ROBO2: variants seen among roughly 807,000 people sequenced by gnomAD.
ROBO2 encodes the protein roundabout guidance receptor 2, also known as roundabout homolog 2.
ROBO2 carries 53 observed loss-of-function variants against 160.8 expected under a neutral mutation model. The ratio of observed to expected loss-of-function variants is 0.33; its 90% CI spans 0.26 to 0.41. The LOEUF (loss-of-function observed/expected upper bound fraction) is 0.41. Among genes scored for constraint, ROBO2 ranks in the 10% least tolerant of loss-of-function variants. The pLI is 1.00. For missense variants in ROBO2, 1,577 were observed against 1,722.4 expected (o/e 0.92, Z 1.49); for synonymous variants, 664 against 611.7 (o/e 1.09, Z -1.26).
chr3:76,092,942 A>G (rs1182625950), intron 2 of ROBO2, among the ~76,000 whole-genome samples: 1 of 152,166 alleles, frequency 6.6e-6, no homozygotes, highest in Non-Finnish European at 1.5e-5. Context: ...TCTTCGTCAA[A>G]TCACTTTTTA....
At chr3:76,824,811 C>T (rs973252235) in intron 2 of ROBO2, among the ~76,000 whole-genome samples, 1 of 152,108 alleles carries the variant, frequency 6.6e-6, no homozygotes, top group Admixed American at 6.5e-5. Flanking sequence ...ATTCCCACTC[C>T]CTGCCTCCTA....
intron 2 of ROBO2, among the ~76,000 whole-genome samples, chr3:76,940,376 G>T (rs1440195695): frequency 1.3e-5 from 2 of 152,178 alleles, no homozygotes; most frequent in African/African-American, 4.8e-5. Flanking sequence ...ATTTTATCAT[G>T]CAAATCTCAT....
chr3:76,704,262 G>C (rs953369370), intron 2 of ROBO2, among the ~76,000 whole-genome samples: 2 of 152,094 alleles, frequency 1.3e-5, no homozygotes, highest in Non-Finnish European at 2.9e-5. Context: ...TCTGAAAAGT[G>C]AGAGTGTGAA....
chr3:75,970,669 C>G (rs980102526), intron 2 of ROBO2, among the ~76,000 whole-genome samples: 1 of 151,448 alleles, frequency 6.6e-6, no homozygotes, highest in African/African-American at 2.4e-5. Context: ...ACTGTGCAAT[C>G]TTTAATCAAA....
At chr3:77,221,316 G>T (rs1424708217) in intron 2 of ROBO2, among the ~76,000 whole-genome samples, 3 of 152,136 alleles carry the variant, frequency 2.0e-5, no homozygotes, top group Non-Finnish European at 4.4e-5. Flanking sequence ...AAAATGAGTT[G>T]TATAGGATTA....
intron 24 of ROBO2, among the ~76,000 whole-genome samples, chr3:77,641,346 T>A (rs2095347833): frequency 6.6e-6 from 1 of 152,214 alleles, no homozygotes; most frequent in African/African-American, 2.4e-5. Flanking sequence ...ACCAACATTA[T>A]CAGTCCAATG....
rs201473819 is a variant in ROBO2, at chr3:77,291,672, T to TG, written c.389-185740dup. On this transcript the variant is annotated intron_variant, in intron 2 of 25. Coordinates refer to ENST00000461745, the Ensembl canonical transcript of ROBO2. ...CACCCCAGACATAAAGTAAAATTGA[T>TG]GGTTAAATGGGTAAGCTGAGGCTAG... 1.6e-3 allele frequency among the ~76,000 whole-genome samples: 231 copies of TG among 146,798 alleles called. 3 individuals carry two copies. The highest frequency in any genetic ancestry group is 5.6e-3 in the African/African-American group (217 of 38,964).
intron 2 of ROBO2, among the ~76,000 whole-genome samples, chr3:75,941,937 T>C (rs1948072420): frequency 6.6e-6 from 1 of 152,132 alleles, no homozygotes; most frequent in African/African-American, 2.4e-5. Context: ...GAAAACCTAC[T>C]CAAGAAGGGA....
At chr3:76,551,011 C>T (rs575905392) in intron 2 of ROBO2, among the ~76,000 whole-genome samples, 142 of 151,992 alleles carry the variant, frequency 9.3e-4, no homozygotes, top group African/African-American at 3.4e-3. Context: ...GAAACTCCAC[C>T]TTCTAGGCAG....
At position 76,426,713 on chromosome 3, in the gene ROBO2, C is replaced by G. The variant is rs576961233; in HGVS notation, c.109+489111C>G. Reference sequence around the variant, plus strand: ...CTTTTACAATACATAATTAAATGTGCTTGTAGGTAGAAGGATAGATTAGTA... The same window carrying G: ...CTTTTACAATACATAATTAAATGTGGTTGTAGGTAGAAGGATAGATTAGTA... On this transcript the variant is annotated intron_variant, in intron 2 of 26. Transcript: ENST00000487694. Among the ~76,000 whole-genome samples, 669 of 151,846 alleles carry G rather than the reference C, an allele frequency of 4.4e-3. 5 individuals carry two copies. Among genetic ancestry groups the G allele is most frequent in the Non-Finnish European group, 7.3e-3 (493 of 67,956 alleles).
intron 1 of ROBO2, among the ~76,000 whole-genome samples, chr3:75,921,937 C>T (rs1828655): frequency 0.88 from 133,773 of 152,104 alleles, 58,901 homozygotes; most frequent in East Asian, 0.93. Context: ...CTGTATAGTT[C>T]CCACTTCATC....
chr3:76,052,541 A>C (rs73842910), intron 2 of ROBO2, among the ~76,000 whole-genome samples: 3,124 of 152,024 alleles, frequency 0.021, 43 homozygotes, highest in East Asian at 0.08. Flanking sequence ...GTATTTTTAA[A>C]ACTTAGGGTA....
chr3:77,123,721 A>G (rs1207303081), intron 2 of ROBO2, among the ~76,000 whole-genome samples: 2 of 131,336 alleles, frequency 1.5e-5, no homozygotes, highest in Non-Finnish European at 3.2e-5. Context: ...AGATATATAG[A>G]TAATCTATAT....
intron 2 of ROBO2, among the ~76,000 whole-genome samples, chr3:76,668,702 A>G (rs762957135): frequency 1.3e-5 from 2 of 151,666 alleles, no homozygotes; most frequent in Non-Finnish European, 2.9e-5. Flanking sequence ...TTTGCCTGTT[A>G]AAACATATTA....
chr3:76,395,901 G>T (rs2077416791), intron 2 of ROBO2, among the ~76,000 whole-genome samples: 1 of 152,084 alleles, frequency 6.6e-6, no homozygotes. Context: ...GTACAAGGAG[G>T]AACTGGTACT....
chr3:76,776,815 C>T (rs374671808), intron 2 of ROBO2, among the ~76,000 whole-genome samples: 17 of 151,080 alleles, frequency 1.1e-4, no homozygotes, highest in African/African-American at 4.1e-4. Flanking sequence ...CCTAGTTAAA[C>T]TTTCATTTTC....
At chr3:76,115,224 G>T (rs1309825965) in intron 2 of ROBO2, among the ~76,000 whole-genome samples, 1 of 152,024 alleles carries the variant, frequency 6.6e-6, no homozygotes, top group Non-Finnish European at 1.5e-5. Flanking sequence ...CCCAACATCA[G>T]CATTTCTACT....
intron 2 of ROBO2, among the ~76,000 whole-genome samples, chr3:76,356,492 T>C (rs955955124): frequency 6.6e-6 from 1 of 151,466 alleles, no homozygotes; most frequent in Non-Finnish European, 1.5e-5. Context: ...CATACAAAAG[T>C]ATAAGAAAGC....
chr3:77,394,196 G>A (rs1038554549), intron 2 of ROBO2, among the ~76,000 whole-genome samples: 3 of 152,084 alleles, frequency 2.0e-5, no homozygotes, highest in Non-Finnish European at 2.9e-5. Flanking sequence ...AAAAGCAATC[G>A]TGCTTTTCCC....
Sources: allele counts gnomAD v4.1 joint callset (sites outside exome capture counted in the v4.1 genomes callset), GRCh38; gene constraint gnomAD v4.1.1; transcripts MANE v1.5; gene names NCBI Gene and HGNC (gene_info 2026-07-23, HGNC 2026-07-21).